DHRSX: variants seen among roughly 807,000 people sequenced by gnomAD.
DHRSX encodes polyprenol dehydrogenase.
DHRSX carries 31 observed loss-of-function variants against 34.0 expected under a neutral mutation model. The observed-to-expected ratio is 0.91, with a 90% confidence interval of 0.69 to 1.23. The LOEUF (loss-of-function observed/expected upper bound fraction) is 1.23. Among genes scored for constraint, DHRSX ranks in the 50% most tolerant of loss-of-function variants. The pLI is 0.00. For missense variants in DHRSX, 414 were observed against 428.1 expected (o/e 0.97, Z 0.29); for synonymous variants, 201 against 183.8 (o/e 1.09, Z -0.76).
intron 3 of DHRSX, among the ~76,000 whole-genome samples, chrX:2,310,454 C>T (rs1248017380): frequency 6.6e-6 from 1 of 151,942 alleles, no homozygotes; most frequent in Non-Finnish European, 1.5e-5. Flanking sequence ...ACCTGAAATC[C>T]TATTTTCTTT....
intron 1 of DHRSX, among the ~76,000 whole-genome samples, chrX:2,455,562 T>C (rs772004847): frequency 3.3e-5 from 5 of 151,466 alleles, no homozygotes; most frequent in East Asian, 1.9e-4. Flanking sequence ...ACCAACATGA[T>C]GAAACCCTGT....
intron 6 of DHRSX, among the ~76,000 whole-genome samples, chrX:2,234,665 C>T (rs772633887): frequency 2.6e-4 from 40 of 152,332 alleles, no homozygotes; most frequent in African/African-American, 9.1e-4. Flanking sequence ...ATGTCTTTTG[C>T]AGTGACATGG....
intron 1 of DHRSX, among the ~76,000 whole-genome samples, chrX:2,445,621 G>T (rs1179266018): frequency 6.6e-6 from 1 of 150,818 alleles, no homozygotes; most frequent in Non-Finnish European, 1.5e-5. Context: ...ACAAGGAAGA[G>T]GTTCCCTAAG....
At chrX:2,299,581 G>A (rs1032943253) in intron 3 of DHRSX, among the ~76,000 whole-genome samples, 2 of 152,158 alleles carry the variant, frequency 1.3e-5, no homozygotes, top group Admixed American at 6.5e-5. Context: ...CTGGCCGGGT[G>A]TGGTGGCTCA....
intron 2 of DHRSX, among the ~76,000 whole-genome samples, chrX:2,422,860 C>G (rs2043797803): frequency 6.6e-6 from 1 of 152,060 alleles, no homozygotes; most frequent in African/African-American, 2.4e-5. Flanking sequence ...TCTCAGCTCA[C>G]TGCAACCTCC....
At chrX:2,407,063 C>T (rs1476309091) in intron 3 of DHRSX, among the ~76,000 whole-genome samples, 1 of 152,098 alleles carries the variant, frequency 6.6e-6, no homozygotes, top group Non-Finnish European at 1.5e-5. Flanking sequence ...ATATCTATAC[C>T]TGATGGAATA....
chrX:2,264,142 A>G (rs187097353), intron 5 of DHRSX, among the ~76,000 whole-genome samples: 1 of 152,352 alleles, frequency 6.6e-6, no homozygotes, highest in African/African-American at 2.4e-5. Flanking sequence ...CTGGGGATGT[A>G]CATATCCCAC....
At chrX:2,338,362 A>T (rs1245401968) in intron 3 of DHRSX, among the ~76,000 whole-genome samples, 1 of 151,218 alleles carries the variant, frequency 6.6e-6, no homozygotes, top group African/African-American at 2.4e-5. Flanking sequence ...AGAAAAAGGA[A>T]GTCACACTCA....
chrX:2,477,498 A>T (rs1188151858), intron 1 of DHRSX, among the ~76,000 whole-genome samples: 1 of 152,188 alleles, frequency 6.6e-6, no homozygotes, highest in Non-Finnish European at 1.5e-5. Context: ...TGGATGACTC[A>T]TTTGTCACAG....
chrX:2,468,647 C>T, intron 1 of DHRSX, among the ~76,000 whole-genome samples: 1 of 151,432 alleles, frequency 6.6e-6, no homozygotes, highest in East Asian at 1.9e-4. Flanking sequence ...TGAAGACATT[C>T]CCTAAGAATG....
chrX:2,342,707 T>A (rs73189664), intron 3 of DHRSX, among the ~76,000 whole-genome samples: 23,879 of 152,114 alleles, frequency 0.16, 2,274 homozygotes, highest in Admixed American at 0.22. Context: ...GTTTCCATGA[T>A]TCCCACGCTC....
chrX:2,343,926 T>C (rs1012122980), intron 3 of DHRSX, among the ~76,000 whole-genome samples: 2 of 152,324 alleles, frequency 1.3e-5, no homozygotes, highest in African/African-American at 4.8e-5. Flanking sequence ...GACTAAATGC[T>C]GCCGGCACAC....
intron 5 of DHRSX, among the ~76,000 whole-genome samples, chrX:2,253,369 T>C (rs1256195053): frequency 1.8e-4 from 22 of 120,634 alleles, no homozygotes; most frequent in African/African-American, 4.9e-4. Flanking sequence ...GAGGCGGACA[T>C]GGCCGTGAGC....
intron 6 of DHRSX, among the ~76,000 whole-genome samples, chrX:2,238,191 C>T (rs2016059856): frequency 2.0e-5 from 3 of 152,012 alleles, no homozygotes; most frequent in Admixed American, 2.0e-4. Context: ...TCGGCTCTAC[C>T]AAAAAATTTT....
At chrX:2,360,471 T>C (rs747305159) in intron 3 of DHRSX, among the ~76,000 whole-genome samples, 2 of 152,028 alleles carry the variant, frequency 1.3e-5, no homozygotes, top group Admixed American at 1.3e-4. Context: ...TAATCCCAGC[T>C]ACTTGGGAGG....
intron 3 of DHRSX, among the ~76,000 whole-genome samples, chrX:2,349,807 CG>C (rs2042765386): frequency 1.4e-5 from 2 of 145,422 alleles, no homozygotes; most frequent in African/African-American, 5.2e-5. Flanking sequence ...TTTGGGAGGC[CG>C]AGGCGGGCGG....
chrX:2,464,246 A>C (rs1443918060), intron 1 of DHRSX, among the ~76,000 whole-genome samples: 1 of 150,978 alleles, frequency 6.6e-6, no homozygotes, highest in African/African-American at 2.4e-5. Flanking sequence ...ACGTGGCCCA[A>C]GGGACCATTG....
intron 1 of DHRSX, among the ~76,000 whole-genome samples, chrX:2,436,326 G>A (rs2043990354): frequency 1.3e-5 from 2 of 151,898 alleles, no homozygotes; most frequent in Admixed American, 1.3e-4. Context: ...AACACTGAGG[G>A]CTGGAGACAC....
At chrX:2,371,031 G>A (rs2043052240) in intron 3 of DHRSX, among the ~76,000 whole-genome samples, 1 of 152,060 alleles carries the variant, frequency 6.6e-6, no homozygotes, top group African/African-American at 2.4e-5. Context: ...CTGCTCGGGT[G>A]TGCTTCATGG....
Sources: allele counts gnomAD v4.1 joint callset (sites outside exome capture counted in the v4.1 genomes callset), GRCh38; gene constraint gnomAD v4.1.1; transcripts MANE v1.5; gene names NCBI Gene and HGNC (gene_info 2026-07-23, HGNC 2026-07-21).